The following LDLRAD4 variants were observed in gnomAD, a reference collection of about 807,000 sequenced individuals.
The protein encoded by LDLRAD4 is low density lipoprotein receptor class A domain containing 4.
Under a neutral mutation model 17.0 loss-of-function variants are expected in LDLRAD4, and 5 were observed. The observed-to-expected ratio is 0.29, with a 90% CI of 0.15 to 0.62. The LOEUF is 0.62. Among genes scored for constraint, LDLRAD4 ranks in the 20% least tolerant of loss-of-function variants. LDLRAD4 has a pLI of 0.84. For synonymous variants in LDLRAD4, 168 were observed against 171.8 expected (o/e 0.98, Z 0.17); for missense variants, 340 against 424.7 (o/e 0.80, Z 1.75).
intron 3 of LDLRAD4, among the ~76,000 whole-genome samples, chr18:13,595,211 C>G (rs1408911568): frequency 6.6e-6 from 1 of 151,654 alleles, no homozygotes; most frequent in Non-Finnish European, 1.5e-5. Flanking sequence ...TTTTTCTATT[C>G]TCTGTTTTGT....
At chr18:13,588,037 T>C (rs559933119) in intron 3 of LDLRAD4, among the ~76,000 whole-genome samples, 26 of 152,312 alleles carry the variant, frequency 1.7e-4, no homozygotes, top group African/African-American at 5.8e-4. Flanking sequence ...GTCGCACCAT[T>C]TTCTTGGTTC....
At chr18:13,643,242 C>T in intron 4 of LDLRAD4, 117 bp from the exon 6 acceptor site, 4 of 655,986 alleles carry the variant, frequency 6.1e-6, no homozygotes, top group Non-Finnish European at 1.0e-5. Context: ...CCTCGCTCCA[C>T]GTTTTATGCA....
chr18:13,562,748 GTCGATGGGACA>G (rs2094554962), intron 3 of LDLRAD4: 1 of 152,256 alleles, frequency 6.6e-6, no homozygotes, highest in Admixed American at 6.5e-5. Context: ...AGTGAAGGCT[GTCGATGGGACA>G]TTGATGAACC....
At chr18:13,243,862 C>T (rs2042807344) in intron 1 of LDLRAD4, among the ~76,000 whole-genome samples, 1 of 148,300 alleles carries the variant, frequency 6.7e-6, no homozygotes, top group Admixed American at 6.7e-5. Context: ...CACTCACCCA[C>T]CCACACATCC....
chr18:13,243,629 C>T (rs1157684476), intron 1 of LDLRAD4, among the ~76,000 whole-genome samples: 1 of 150,772 alleles, frequency 6.6e-6, no homozygotes, highest in Non-Finnish European at 1.5e-5. Flanking sequence ...GCCACCCACG[C>T]ACCCGCACAT....
chr18:13,225,179 T>C (rs2041715921), intron 1 of LDLRAD4, among the ~76,000 whole-genome samples: 1 of 152,216 alleles, frequency 6.6e-6, no homozygotes, highest in South Asian at 2.1e-4. Context: ...AAATGAATCA[T>C]GCATATTGAC....
chr18:13,342,751 T>C (rs2144107157), intron 1 of LDLRAD4, among the ~76,000 whole-genome samples: 1 of 151,958 alleles, frequency 6.6e-6, no homozygotes, highest in South Asian at 2.1e-4. Flanking sequence ...GTTAGTCTCT[T>C]TTAGACAAAA....
At chr18:13,382,009 C>T (rs1206289693) in intron 1 of LDLRAD4, among the ~76,000 whole-genome samples, 2 of 152,218 alleles carry the variant, frequency 1.3e-5, no homozygotes, top group African/African-American at 4.8e-5. Flanking sequence ...ATCCACAGGC[C>T]GGGGCTCGGC....
chr18:13,352,440 T>G (rs775911242), intron 1 of LDLRAD4, among the ~76,000 whole-genome samples: 4 of 152,234 alleles, frequency 2.6e-5, no homozygotes, highest in Non-Finnish European at 5.9e-5. Flanking sequence ...GCCTTTGGGC[T>G]GCTGGGTTTC....
In LDLRAD4 at chr18:13,410,076, C is replaced by T. The variant is rs185865684; in HGVS notation, c.40+22314C>T. Among the ~76,000 whole-genome samples the T allele has an allele frequency of 5.3e-3, 800 of 152,142 alleles. 12 individuals carry two copies. Among genetic ancestry groups the T allele is most frequent in the African/African-American group, 0.019 (768 of 41,494 alleles). On this transcript the variant is annotated intron_variant, in intron 2 of 5. Transcript: ENST00000359446. The stretch of plus-strand genomic sequence containing the variant: ...TCTTATTCTAATCGTGATAAGACAC[C>T]GCACAGACCCAAATCGAAGGACGTT...
At chr18:13,236,328 A>ATTTTT (rs2042334113) in intron 1 of LDLRAD4, 2 of 38,340 alleles carry the variant, frequency 5.2e-5, no homozygotes, top group South Asian at 1.2e-3. Context: ...TTTTTTTTTG[A>ATTTTT]GACAGAGTTT....
At chr18:13,640,178 A>C (rs1309158224) in intron 4 of LDLRAD4, among the ~76,000 whole-genome samples, 1 of 151,476 alleles carries the variant, frequency 6.6e-6, no homozygotes, top group African/African-American at 2.4e-5. Flanking sequence ...CTGTAGTCCC[A>C]TCTACTCGGT....
intron 3 of LDLRAD4, among the ~76,000 whole-genome samples, chr18:13,552,271 C>T (rs963056068): frequency 1.3e-5 from 2 of 152,234 alleles, no homozygotes; most frequent in East Asian, 1.9e-4. Flanking sequence ...GCCCTTTCCA[C>T]GACACCGTGC....
chr18:13,478,115 G>A (rs1180786477), intron 3 of LDLRAD4, among the ~76,000 whole-genome samples: 2 of 152,072 alleles, frequency 1.3e-5, no homozygotes, highest in East Asian at 1.9e-4. Context: ...CCCTCCTCAC[G>A]GTCTCTGCCT....
intron 2 of LDLRAD4, among the ~76,000 whole-genome samples, chr18:13,392,628 C>T (rs1011399202): frequency 4.6e-5 from 7 of 152,182 alleles, no homozygotes; most frequent in Non-Finnish European, 1.0e-4. Context: ...CTGGGTGTCA[C>T]CGTACACATC....
At chr18:13,257,658 G>A (rs540830185) in intron 1 of LDLRAD4, among the ~76,000 whole-genome samples, 3 of 152,324 alleles carry the variant, frequency 2.0e-5, no homozygotes, top group African/African-American at 7.2e-5. Context: ...GCTCTCACCT[G>A]GGGGTGACTT....
intron 1 of LDLRAD4, among the ~76,000 whole-genome samples, chr18:13,222,070 T>G (rs1322061901): frequency 3.3e-5 from 5 of 152,210 alleles, no homozygotes; most frequent in Admixed American, 3.3e-4. Context: ...TCAATCCCCA[T>G]GAGCAGACGG....
intron 3 of LDLRAD4, among the ~76,000 whole-genome samples, chr18:13,608,952 C>G (rs2095250713): frequency 6.6e-6 from 1 of 152,212 alleles, no homozygotes; most frequent in African/African-American, 2.4e-5. Flanking sequence ...TTTGGTGTCC[C>G]TGCCTTGCTC....
intron 2 of LDLRAD4, among the ~76,000 whole-genome samples, chr18:13,415,953 C>T (rs141917261): frequency 5.7e-4 from 87 of 152,328 alleles, no homozygotes; most frequent in African/African-American, 2.0e-3. Context: ...GTGCATGGCT[C>T]TGTCTTCATC....
Sources: allele counts gnomAD v4.1 joint callset (sites outside exome capture counted in the v4.1 genomes callset), GRCh38; gene constraint gnomAD v4.1.1; transcripts MANE v1.5; gene names NCBI Gene and HGNC (gene_info 2026-07-23, HGNC 2026-07-21).